DMXL1: variants seen among roughly 807,000 people sequenced by gnomAD.
DMXL1 encodes the protein dmX-like protein 1.
Under a neutral mutation model 319.2 loss-of-function variants are expected in DMXL1, and 99 were observed. The observed-to-expected ratio is 0.31, with a 90% CI of 0.26 to 0.37. The LOEUF is 0.37. Ranked by LOEUF, DMXL1 falls within the 10% of genes least tolerant of loss-of-function variation. The pLI, the probability that DMXL1 is intolerant of heterozygous loss-of-function variation, is 1.00. For synonymous variants in DMXL1, 1,385 were observed against 1,235.2 expected (o/e 1.12, Z -2.54); for missense variants, 3,745 against 3,595.6 (o/e 1.04, Z -1.06).
At chr5:119,190,388 C>T (rs1440212498) in intron 29 of DMXL1, among the ~76,000 whole-genome samples, 1 of 152,208 alleles carries the variant, frequency 6.6e-6, no homozygotes, top group Non-Finnish European at 1.5e-5. Flanking sequence ...GCGCTTCATT[C>T]TAGAAATCAC....
rs185092387 is a variant in DMXL1 at position 119,083,584 on chromosome 5, C to G, written c.87+11928C>G. On this transcript the variant is annotated intron_variant, in intron 1 of 43. Coordinates refer to ENST00000539542, the MANE Select transcript of DMXL1 (RefSeq NM_001290321.3). ...TGAGATAGAGTCTTGCTCTGTTGCC[C>G]AGGCTGGAGTGCAGTGACACAACCT... 3.1e-4 allele frequency among the ~76,000 whole-genome samples: 47 copies of G among 152,126 alleles called. No homozygotes were observed. In the East Asian group the frequency reaches 7.9e-3, roughly 26 times the overall value.
At chr5:119,225,821 T>C (rs1350255835) in intron 38 of DMXL1, among the ~76,000 whole-genome samples, 1 of 152,172 alleles carries the variant, frequency 6.6e-6, no homozygotes, top group Non-Finnish European at 1.5e-5. Flanking sequence ...GCTAGAAGTG[T>C]GTATTTTTTA....
At chr5:119,198,721 A>G (rs1780113626) in intron 32 of DMXL1, among the ~76,000 whole-genome samples, 1 of 152,246 alleles carries the variant, frequency 6.6e-6, no homozygotes, top group Non-Finnish European at 1.5e-5. Context: ...CCTGACTTCA[A>G]ACTGTACTAC....
chr5:119,198,686 G>C (rs1277605281), intron 32 of DMXL1, among the ~76,000 whole-genome samples: 1 of 152,066 alleles, frequency 6.6e-6, no homozygotes, highest in Non-Finnish European at 1.5e-5. Context: ...GCAATCCTCA[G>C]CAAAAAGAAC....
At chr5:119,178,989 G>A (rs901009884) in intron 28 of DMXL1, among the ~76,000 whole-genome samples, 1 of 152,016 alleles carries the variant, frequency 6.6e-6, no homozygotes, top group Admixed American at 6.6e-5. Flanking sequence ...ATCAGACTAT[G>A]GCTTGAAATG....
chr5:119,107,124 C>T (rs533097346), intron 4 of DMXL1, among the ~76,000 whole-genome samples: 3 of 152,094 alleles, frequency 2.0e-5, no homozygotes, highest in Non-Finnish European at 2.9e-5. Context: ...ATTGCTTGAG[C>T]CCAGGAGTTT....
At chr5:119,116,804 G>C (rs1760944810) in intron 7 of DMXL1, among the ~76,000 whole-genome samples, 1 of 152,096 alleles carries the variant, frequency 6.6e-6, no homozygotes, top group African/African-American at 2.4e-5. Flanking sequence ...CATATGTGAG[G>C]AAAAGAGAGA....
intron 13 of DMXL1, among the ~76,000 whole-genome samples, chr5:119,142,441 G>T (rs559679484): frequency 6.7e-5 from 10 of 148,350 alleles, no homozygotes; most frequent in African/African-American, 2.5e-4. Flanking sequence ...CTCAATCACT[G>T]ATCATTAGAG....
At chr5:119,228,872 A>C (rs1786109570) in intron 38 of DMXL1, among the ~76,000 whole-genome samples, 1 of 152,138 alleles carries the variant, frequency 6.6e-6, no homozygotes, top group Non-Finnish European at 1.5e-5. Flanking sequence ...TTGTAGAAAA[A>C]TCCTTAGCTA....
chr5:119,194,042 A>G (rs1056588174), intron 30 of DMXL1, 72 bp downstream of exon 30: 7 of 1,111,296 alleles, frequency 6.3e-6, no homozygotes, highest in Non-Finnish European at 8.5e-6. Flanking sequence ...TGAAAAAATT[A>G]CATGTGAAAT....
At chr5:119,129,858 G>T (rs1764425527) in intron 10 of DMXL1, among the ~76,000 whole-genome samples, 1 of 152,228 alleles carries the variant, frequency 6.6e-6, no homozygotes, top group African/African-American at 2.4e-5. Context: ...TTGGCCTTCA[G>T]TTGGTATAGA....
intron 13 of DMXL1, among the ~76,000 whole-genome samples, chr5:119,143,309 G>T (rs1432387511): frequency 6.6e-6 from 1 of 151,322 alleles, no homozygotes; most frequent in African/African-American, 2.4e-5. Flanking sequence ...GAAGGCAAAA[G>T]AAAAAAAATA....
chr5:119,190,918 A>T (rs1778595454), intron 29 of DMXL1, among the ~76,000 whole-genome samples: 2 of 152,246 alleles, frequency 1.3e-5, no homozygotes. Context: ...TTTAAGGCAC[A>T]GAAGAAATGC....
intron 1 of DMXL1, among the ~76,000 whole-genome samples, chr5:119,078,573 C>T (rs1043706027): frequency 6.6e-6 from 1 of 152,174 alleles, no homozygotes; most frequent in Non-Finnish European, 1.5e-5. Context: ...ACTTCAGTCT[C>T]CCAAGTAGCT....
intron 2 of DMXL1, among the ~76,000 whole-genome samples, chr5:119,099,174 G>T (rs1439929824): frequency 7.4e-6 from 1 of 135,070 alleles, no homozygotes; most frequent in Non-Finnish European, 1.5e-5. Flanking sequence ...GAAATCTTTG[G>T]GTTTTTTTTT....
chr5:119,159,825 T>C (rs556608343), intron 19 of DMXL1, among the ~76,000 whole-genome samples: 3 of 151,722 alleles, frequency 2.0e-5, no homozygotes, highest in South Asian at 2.1e-4. Flanking sequence ...GGTTTTGCCA[T>C]GTTGGCCAGG....
intron 18 of DMXL1, among the ~76,000 whole-genome samples, chr5:119,151,410 G>A (rs1056308734): frequency 2.0e-5 from 3 of 152,194 alleles, no homozygotes; most frequent in South Asian, 2.1e-4. Flanking sequence ...GAAAAATTAA[G>A]TTGGTTATGA....
intron 34 of DMXL1, among the ~76,000 whole-genome samples, chr5:119,211,551 C>T (rs1306257807): frequency 6.6e-6 from 1 of 151,864 alleles, no homozygotes; most frequent in African/African-American, 2.4e-5. Flanking sequence ...GTGATGCTGC[C>T]TCTCCTTCTT....
In DMXL1 at chr5:119,168,825, T is replaced by A. The variant is rs144252966; in HGVS notation, c.5398+961T>A. The stretch of plus-strand genomic sequence containing the variant: ...CACCTCAGCCTCCCAAAGTCTGGAA[T>A]TACAGGCATGAGCTACTGTGCCTGG... On this transcript the variant is annotated intron_variant, in intron 23 of 43. Coordinates refer to ENST00000539542, the MANE Select transcript of DMXL1 (RefSeq NM_001290321.3). 2.2e-3 allele frequency among the ~76,000 whole-genome samples: 329 copies of A among 152,264 alleles called. 3 individuals are homozygous for A. The highest frequency in any genetic ancestry group is 7.6e-3 in the African/African-American group (314 of 41,558).
Sources: allele counts gnomAD v4.1 joint callset (sites outside exome capture counted in the v4.1 genomes callset), GRCh38; gene constraint gnomAD v4.1.1; transcripts MANE v1.5; gene names NCBI Gene and HGNC (gene_info 2026-07-23, HGNC 2026-07-21).